RBFOX1: variants seen among roughly 807,000 people sequenced by gnomAD.
RBFOX1 encodes the protein RNA binding fox-1 homolog 1.
Under a neutral mutation model 57.7 loss-of-function variants are expected in RBFOX1, and 8 were observed. The observed-to-expected ratio is 0.14, with a 90% CI of 0.08 to 0.25. RBFOX1 has a LOEUF of 0.25. Among genes scored for constraint, RBFOX1 ranks in the 10% least tolerant of loss-of-function variants. RBFOX1 has a pLI of 1.00. For synonymous variants in RBFOX1, 326 were observed against 222.4 expected, an observed-to-expected ratio of 1.47 and a Z score of -4.15; for missense variants, 611 against 548.5, an observed-to-expected ratio of 1.11 and a Z score of -1.14.
chr16:6,530,046 T>C lies in RBFOX1; in HGVS notation c.-63-124557T>C, dbSNP rs74395849. 2.2e-3 allele frequency among the ~76,000 whole-genome samples: 328 copies of C among 152,308 alleles called. 2 individuals are homozygous for C. The highest frequency in any genetic ancestry group is 7.5e-3 in the African/African-American group (312 of 41,568). Reference sequence around the variant, plus strand: ...GTCATTTTCTCTTTCAAAGTAGCTATTTTACAATGTGTTTAAAGTTTCTTT... The same window carrying C: ...GTCATTTTCTCTTTCAAAGTAGCTACTTTACAATGTGTTTAAAGTTTCTTT... On this transcript the variant is annotated intron_variant, in intron 2 of 15. Transcript: ENST00000550418.
intron 1 of RBFOX1, among the ~76,000 whole-genome samples, chr16:5,419,210 T>G (rs569485604): frequency 8.5e-5 from 13 of 152,178 alleles, no homozygotes; most frequent in African/African-American, 3.1e-4. Context: ...AAGGGGAGCT[T>G]ATTAAGGAGT....
intron 4 of RBFOX1, among the ~76,000 whole-genome samples, chr16:7,214,351 A>G (rs1283350701): frequency 6.6e-6 from 1 of 152,114 alleles, no homozygotes; most frequent in African/African-American, 2.4e-5. Flanking sequence ...TCCCTACTTT[A>G]GCAGATGGCA....
At chr16:5,285,400 C>T (rs539525704) in intron 1 of RBFOX1, among the ~76,000 whole-genome samples, 4 of 152,166 alleles carry the variant, frequency 2.6e-5, no homozygotes, top group African/African-American at 7.2e-5. Flanking sequence ...TCTCTTATAT[C>T]TCCCTGAGTT....
chr16:6,553,713 G>C (rs1019444812), intron 2 of RBFOX1, among the ~76,000 whole-genome samples: 3 of 152,142 alleles, frequency 2.0e-5, no homozygotes, highest in Non-Finnish European at 2.9e-5. Context: ...ATGAATGGTT[G>C]GAAGAATGGA....
chr16:5,940,781 A>C (rs2059262886), intron 4 of RBFOX1, among the ~76,000 whole-genome samples: 2 of 152,170 alleles, frequency 1.3e-5, no homozygotes. Context: ...ACAGCCGGCT[A>C]GTCTGGCACA....
chr16:6,304,239 G>C (rs1040738957), intron 1 of RBFOX1, among the ~76,000 whole-genome samples: 2 of 151,930 alleles, frequency 1.3e-5, no homozygotes, highest in Admixed American at 1.3e-4. Flanking sequence ...AGTGAGCCGA[G>C]ATCATGCCAT....
intron 2 of RBFOX1, among the ~76,000 whole-genome samples, chr16:6,596,468 T>G (rs559243323): frequency 1.3e-5 from 2 of 152,318 alleles, no homozygotes; most frequent in South Asian, 4.1e-4. Flanking sequence ...GAAGGTATAT[T>G]AATTCTCCTA....
At chr16:6,949,973 G>C (rs1356850778) in intron 3 of RBFOX1, among the ~76,000 whole-genome samples, 1 of 150,842 alleles carries the variant, frequency 6.6e-6, no homozygotes, top group Non-Finnish European at 1.5e-5. Flanking sequence ...TTGGTACAGA[G>C]TCTTGCTCTG....
chr16:5,337,082 G>A (rs547153611), intron 1 of RBFOX1, among the ~76,000 whole-genome samples: 1 of 152,350 alleles, frequency 6.6e-6, no homozygotes, highest in South Asian at 2.1e-4. Context: ...GCAGAGGCGA[G>A]TTCTGCGGAG....
At position 7,223,800 on chromosome 16, in the gene RBFOX1, G is replaced by C. The variant is rs145967231; in HGVS notation, c.27+171702G>C. Among the ~76,000 whole-genome samples the C allele has an allele frequency of 9.0e-3, 1,276 of 142,524 alleles. 18 individuals are homozygous for C. Among genetic ancestry groups the C allele is most frequent in the African/African-American group, 0.027 (1,023 of 37,724 alleles). The allele number at this position is 142,524 out of a possible 152,430, so 93.5% of individuals were successfully genotyped here. A position where few individuals can be genotyped will look rare whatever the true frequency, so the allele number is the denominator to read the frequency against. ...GTTTTCATTTCTGTCTGATAGAAAT[G>C]GGAGCACTTCCTAAACCAAAAGAGC... On this transcript the variant is annotated intron_variant, in intron 4 of 15. Coordinates refer to ENST00000550418, the MANE Select transcript of RBFOX1 (RefSeq NM_018723.4).
chr16:5,522,957 G>T (rs1251674692), intron 2 of RBFOX1, among the ~76,000 whole-genome samples: 1 of 149,858 alleles, frequency 6.7e-6, no homozygotes, highest in Non-Finnish European at 1.5e-5. Flanking sequence ...GGACACTGAG[G>T]TTGATTCTAT....
intron 13 of RBFOX1, among the ~76,000 whole-genome samples, chr16:7,669,109 G>C (rs942920634): frequency 2.6e-5 from 4 of 152,168 alleles, no homozygotes; most frequent in African/African-American, 9.7e-5. Flanking sequence ...TCGCCATGTT[G>C]GCCAGGCTGG....
intron 4 of RBFOX1, among the ~76,000 whole-genome samples, chr16:7,268,268 G>C (rs917432714): frequency 6.6e-6 from 1 of 152,178 alleles, no homozygotes; most frequent in African/African-American, 2.4e-5. Context: ...GACTGTGTTT[G>C]CATTTTCAAA....
chr16:5,605,921 A>G (rs971685500), intron 3 of RBFOX1, among the ~76,000 whole-genome samples: 1 of 152,176 alleles, frequency 6.6e-6, no homozygotes. Context: ...TGTAGCAGCC[A>G]TCATGGAACC....
chr16:7,546,786 C>G (rs990563075), intron 5 of RBFOX1, among the ~76,000 whole-genome samples: 2 of 152,108 alleles, frequency 1.3e-5, no homozygotes, highest in Non-Finnish European at 2.9e-5. Context: ...TTTAGCCAAT[C>G]CCTTGTAGTT....
chr16:6,568,536 T>C (rs1176817125), intron 2 of RBFOX1, among the ~76,000 whole-genome samples: 1 of 152,090 alleles, frequency 6.6e-6, no homozygotes, highest in Admixed American at 6.6e-5. Context: ...CCATGTTCCA[T>C]TGGAACTCTT....
At chr16:6,175,555 T>A (rs2096999404) in intron 1 of RBFOX1, among the ~76,000 whole-genome samples, 1 of 152,142 alleles carries the variant, frequency 6.6e-6, no homozygotes, top group Non-Finnish European at 1.5e-5. Context: ...ATGGTTGCGC[T>A]TTTGTTGTGC....
At position 6,217,484 on chromosome 16, in the gene RBFOX1, G is replaced by A. The variant is rs537387528; in HGVS notation, c.-126-99511G>A. ...GGACTGAGCACACGTGTTGAGGGGAGTACCAGGGAAATAAGGAGCATGGTG... is the reference window on the plus strand; with the variant it reads ...GGACTGAGCACACGTGTTGAGGGGAATACCAGGGAAATAAGGAGCATGGTG... On this transcript the variant is annotated intron_variant, in intron 1 of 15. Coordinates refer to ENST00000550418, the MANE Select transcript of RBFOX1 (RefSeq NM_018723.4). Among the ~76,000 whole-genome samples, 4 of 152,230 alleles carry A rather than the reference G, an allele frequency of 2.6e-5. No homozygotes were observed. In the South Asian group the frequency reaches 6.2e-4, roughly 24 times the overall value.
At chr16:5,347,478 T>C (rs893001252) in intron 1 of RBFOX1, among the ~76,000 whole-genome samples, 4 of 152,126 alleles carry the variant, frequency 2.6e-5, no homozygotes, top group African/African-American at 9.7e-5. Context: ...ATAATAATTA[T>C]CATTGAAGGC....
Sources: allele counts gnomAD v4.1 joint callset (sites outside exome capture counted in the v4.1 genomes callset), GRCh38; gene constraint gnomAD v4.1.1; transcripts MANE v1.5; gene names NCBI Gene and HGNC (gene_info 2026-07-23, HGNC 2026-07-21).